DOCK1: variants seen among roughly 807,000 people sequenced by gnomAD.
DOCK1 encodes dedicator of cytokinesis protein 1.
A neutral mutation model predicts 262.7 loss-of-function variants in DOCK1; 138 were observed. That is an observed-to-expected ratio of 0.53 (90% CI 0.46 to 0.61). DOCK1 has a LOEUF of 0.61. Ranked by LOEUF, DOCK1 falls within the 20% of genes least tolerant of loss-of-function variation. DOCK1 has a pLI of 0.00. For missense variants in DOCK1, 1,908 were observed against 2,370.7 expected (o/e 0.80, Z 4.05); for synonymous variants, 866 against 867.4 (o/e 1.00, Z 0.03).
intron 47 of DOCK1, among the ~76,000 whole-genome samples, chr10:127,427,666 G>A (rs10830045): frequency 0.3 from 45,906 of 152,052 alleles, 7,935 homozygotes; most frequent in African/African-American, 0.48. Flanking sequence ...TCCAGGGGCT[G>A]ACATTTGGCA....
At chr10:127,270,123 C>T (rs151248410) in intron 29 of DOCK1, among the ~76,000 whole-genome samples, 59 of 152,354 alleles carry the variant, frequency 3.9e-4, no homozygotes, top group African/African-American at 1.4e-3. Flanking sequence ...TCCTTCTCTC[C>T]TGTGGCAGGG....
chr10:126,966,346 G>C (rs2037677296), intron 1 of DOCK1, among the ~76,000 whole-genome samples: 1 of 152,210 alleles, frequency 6.6e-6, no homozygotes, highest in Non-Finnish European at 1.5e-5. Context: ...ATTATGAATA[G>C]TGCTGCAAGA....
chr10:127,311,575 C>T (rs1590385965), intron 29 of DOCK1, among the ~76,000 whole-genome samples: 2 of 152,256 alleles, frequency 1.3e-5, no homozygotes, highest in South Asian at 4.2e-4. Context: ...TTCCAAAATC[C>T]CCGCAAAAGA....
At chr10:127,146,618 C>G (rs528040963) in intron 27 of DOCK1, among the ~76,000 whole-genome samples, 1 of 152,280 alleles carries the variant, frequency 6.6e-6, no homozygotes, top group Admixed American at 6.5e-5. Flanking sequence ...TCTTCCTACC[C>G]TGTCACTCAC....
At chr10:127,190,599 A>C (rs186183039) in intron 27 of DOCK1, among the ~76,000 whole-genome samples, 18 of 144,434 alleles carry the variant, frequency 1.2e-4, no homozygotes, top group African/African-American at 4.5e-4. Flanking sequence ...ATAATGAAAA[A>C]CTTATTTTTT....
Position 127,322,977 on chromosome 10 carries a change from A to G in DOCK1, c.3045-16029A>G, listed in dbSNP as rs147284886. Among the ~76,000 whole-genome samples the G allele has an allele frequency of 4.6e-5, 7 of 152,362 alleles. No homozygotes were observed. The East Asian group carries it at 1.4e-3, about 29-fold the overall frequency. ...GATGTAACCTGAGAACATACTGTGT[A>G]GAAAGCATGCTGTAGAGGATAGCGT... On this transcript the variant is annotated intron_variant, in intron 29 of 51. Coordinates refer to ENST00000623213, the MANE Select transcript of DOCK1 (RefSeq NM_001290223.2).
intron 13 of DOCK1, among the ~76,000 whole-genome samples, chr10:127,019,538 C>CA (rs5788818): frequency 2.6e-5 from 4 of 151,562 alleles, no homozygotes; most frequent in African/African-American, 9.7e-5. Flanking sequence ...CACTTGAACT[C>CA]GGGTTCGAGA....
intron 27 of DOCK1, among the ~76,000 whole-genome samples, chr10:127,198,046 G>C (rs766588168): frequency 1.4e-4 from 21 of 152,132 alleles, no homozygotes; most frequent in African/African-American, 2.2e-4. Context: ...TCTTCTTGTT[G>C]TTCTTCTTAA....
intron 27 of DOCK1, among the ~76,000 whole-genome samples, chr10:127,221,487 T>G (rs893961367): frequency 7.2e-5 from 11 of 152,176 alleles, no homozygotes; most frequent in African/African-American, 9.7e-5. Flanking sequence ...TGGCTGTGCT[T>G]TCACTCATGG....
At chr10:127,125,371 C>T (rs1188785998) in intron 25 of DOCK1, 103 bp from the exon 26 acceptor site, 1 of 1,519,476 alleles carries the variant, frequency 6.6e-7, no homozygotes, top group Admixed American at 1.9e-5. Flanking sequence ...ACGTGTTGCA[C>T]AACGTGAATG....
chr10:127,058,753 C>T (rs1346923583), intron 22 of DOCK1, among the ~76,000 whole-genome samples: 2 of 152,102 alleles, frequency 1.3e-5, no homozygotes, highest in African/African-American at 4.8e-5. Context: ...ATTACTCTTA[C>T]CAATCCACTG....
intron 25 of DOCK1, among the ~76,000 whole-genome samples, chr10:127,111,535 A>G (rs774930973): frequency 1.4e-4 from 21 of 152,162 alleles, no homozygotes; most frequent in Non-Finnish European, 2.1e-4. Flanking sequence ...TGGAAACTGA[A>G]TTGCCCACTC....
intron 31 of DOCK1, among the ~76,000 whole-genome samples, chr10:127,351,401 G>A (rs2063873351): frequency 6.6e-6 from 1 of 152,186 alleles, no homozygotes; most frequent in Non-Finnish European, 1.5e-5. Context: ...TCAGCTCATA[G>A]TCTTATTCCA....
chr10:127,274,294 A>T (rs1207175967), intron 29 of DOCK1, among the ~76,000 whole-genome samples: 1 of 152,198 alleles, frequency 6.6e-6, no homozygotes, highest in Non-Finnish European at 1.5e-5. Context: ...GTGAAGAGGG[A>T]CTGGAGGGAA....
At position 126,919,971 on chromosome 10, in the gene DOCK1, G is replaced by A. The variant is rs868295992; in HGVS notation, c.46+14408G>A. Among the ~76,000 whole-genome samples, 6 of 152,254 alleles carry A rather than the reference G, an allele frequency of 3.9e-5. No individual in the cohort carries two copies. The East Asian group carries it at 9.7e-4, about 25-fold the overall frequency. On this transcript the variant is annotated intron_variant, in intron 1 of 51. Coordinates refer to ENST00000623213, the MANE Select transcript of DOCK1 (RefSeq NM_001290223.2). ...GGTGGGGAGTTACGTCTTGGAGGGG[G>A]CACCACTTCCAGGACTAAGGCAGTG...
In DOCK1 at chr10:126,933,537, T is replaced by C. The variant is rs919041280; in HGVS notation, c.46+27974T>C. On this transcript the variant is annotated intron_variant, in intron 1 of 51. Coordinates refer to ENST00000623213, the MANE Select transcript of DOCK1 (RefSeq NM_001290223.2). Reference sequence around the variant, plus strand: ...TTTTGCATGTGGCATTTGCTGAGGGTTCCCTGTCCTGCCTGCTGGCCTAGG... The same window carrying C: ...TTTTGCATGTGGCATTTGCTGAGGGCTCCCTGTCCTGCCTGCTGGCCTAGG... Among the ~76,000 whole-genome samples, 823 of 152,164 alleles carry C rather than the reference T, an allele frequency of 5.4e-3. 8 individuals are homozygous for C. Among genetic ancestry groups the C allele is most frequent in the African/African-American group, 0.019 (789 of 41,514 alleles).
intron 23 of DOCK1, among the ~76,000 whole-genome samples, chr10:127,099,204 A>G (rs138862698): frequency 1.3e-3 from 203 of 152,252 alleles, no homozygotes; most frequent in African/African-American, 4.7e-3. Context: ...GGTCACGACT[A>G]TATATGAAGT....
Position 127,175,979 on chromosome 10 carries a change from T to C in DOCK1, c.2847+48215T>C, listed in dbSNP as rs1179576717. The C allele has an allele frequency of 4.3e-6, 7 of 1,614,196 alleles. No individual in the cohort carries two copies. The highest frequency in any genetic ancestry group is 5.1e-6 in the Non-Finnish European group (6 of 1,180,032). On this transcript the variant is annotated intron_variant, in intron 27 of 51. Transcript: ENST00000623213. The surrounding 1 kb of genome is among the most constrained non-coding windows in gnomAD (Gnocchi z 6.3). ...TCGCATCTGTTAGAAACCCATTGTT[T>C]TGGCTTTTAAAGGGATCTGCAGCTG... is the stretch of plus-strand genomic sequence containing the variant.
intron 13 of DOCK1, 105 bp from the exon 14 acceptor site, chr10:127,023,095 T>A (rs2042559675): frequency 7.9e-7 from 1 of 1,260,200 alleles, no homozygotes; most frequent in Non-Finnish European, 1.1e-6. Flanking sequence ...TCATCTAATA[T>A]GTATTTGTAA....
Sources: allele counts gnomAD v4.1 joint callset (sites outside exome capture counted in the v4.1 genomes callset), GRCh38; gene constraint gnomAD v4.1.1; non-coding constraint Gnocchi (gnomAD v3.1); transcripts MANE v1.5; gene names NCBI Gene and HGNC (gene_info 2026-07-23, HGNC 2026-07-21).